The following RANBP2 variants were observed in gnomAD, a reference collection of about 807,000 sequenced individuals.
RANBP2 encodes E3 SUMO-protein ligase RanBP2.
In RANBP2, 57 loss-of-function variants were observed where a neutral mutation model predicts 303.6. The ratio of observed to expected loss-of-function variants is 0.19; its 90% CI spans 0.15 to 0.23. RANBP2 has a LOEUF of 0.23. Ranked by LOEUF, RANBP2 falls within the 10% of genes least tolerant of loss-of-function variation. The pLI is 1.00. For synonymous variants in RANBP2, 1,167 were observed against 1,301.5 expected (o/e 0.90, Z 2.23); for missense variants, 3,138 against 3,780.8 (o/e 0.83, Z 4.46).
chr2:108,982,129 G>A, the RANBP2 span, among the ~76,000 whole-genome samples: 3 of 152,200 alleles, frequency 2.0e-5, no homozygotes, highest in Non-Finnish European at 4.4e-5. Context: ...ATGAGAATAG[G>A]GGCCAGGTCT....
chr2:109,061,029 A>C, the RANBP2 span, among the ~76,000 whole-genome samples: 2 of 152,050 alleles, frequency 1.3e-5, no homozygotes, highest in African/African-American at 4.8e-5. Context: ...CTCCATTTCT[A>C]TGAAGAACTA....
chr2:108,897,256 A>G, the RANBP2 span: 4 of 1,597,402 alleles, frequency 2.5e-6, no homozygotes, highest in South Asian at 2.2e-5. Context: ...CCACAGTTAG[A>G]TGTTGCAAGT....
At chr2:109,148,568 T>C in the RANBP2 span, among the ~76,000 whole-genome samples, 1 of 152,164 alleles carries the variant, frequency 6.6e-6, no homozygotes, top group African/African-American at 2.4e-5. Flanking sequence ...TTTTGATGAG[T>C]AATAGACCCC....
At chr2:108,757,455 T>C in intron 17 of RANBP2, among the ~76,000 whole-genome samples, 1 of 152,208 alleles carries the variant, frequency 6.6e-6, no homozygotes, top group Non-Finnish European at 1.5e-5. Flanking sequence ...GCTAATATTG[T>C]TTACCTAACA....
the RANBP2 span, among the ~76,000 whole-genome samples, chr2:109,173,314 C>G: frequency 6.6e-6 from 1 of 152,166 alleles, no homozygotes; most frequent in Non-Finnish European, 1.5e-5. Flanking sequence ...GTTTTCTCCT[C>G]AGACTCTCCT....
the RANBP2 span, among the ~76,000 whole-genome samples, chr2:109,506,437 G>A: frequency 6.6e-6 from 1 of 152,206 alleles, no homozygotes; most frequent in African/African-American, 2.4e-5. Context: ...TGATCTTAGA[G>A]AGGCACCTAA....
the RANBP2 span, among the ~76,000 whole-genome samples, chr2:109,064,372 T>C: frequency 7.0e-6 from 1 of 143,122 alleles, no homozygotes; most frequent in Non-Finnish European, 1.5e-5. Context: ...AGAAGAATGG[T>C]ATGAACCCGG....
chr2:109,372,136 G>T, the RANBP2 span, among the ~76,000 whole-genome samples: 49 of 152,314 alleles, frequency 3.2e-4, no homozygotes, highest in South Asian at 9.7e-3. Context: ...AGTCCTCCTT[G>T]GACTCAGGGT....
the RANBP2 span, among the ~76,000 whole-genome samples, chr2:109,158,799 G>A: frequency 2.0e-5 from 3 of 152,322 alleles, no homozygotes; most frequent in South Asian, 6.2e-4. Context: ...TCCCGAGTGT[G>A]CACTCTGGAC....
At chr2:108,970,253 G>T in the RANBP2 span, among the ~76,000 whole-genome samples, 1 of 152,138 alleles carries the variant, frequency 6.6e-6, no homozygotes, top group Non-Finnish European at 1.5e-5. Flanking sequence ...CAGGTGGTAC[G>T]CATTTGAGTT....
the RANBP2 span, among the ~76,000 whole-genome samples, chr2:109,548,066 A>C: frequency 1.3e-5 from 2 of 152,218 alleles, no homozygotes; most frequent in Non-Finnish European, 2.9e-5. Flanking sequence ...ATGTAGAAGA[A>C]CTAGTAATGA....
At chr2:109,398,242 C>G in the RANBP2 span, among the ~76,000 whole-genome samples, 1 of 152,186 alleles carries the variant, frequency 6.6e-6, no homozygotes, top group Non-Finnish European at 1.5e-5. Context: ...GGGCTTCCTT[C>G]CCATCTTGTC....
the RANBP2 span, among the ~76,000 whole-genome samples, chr2:108,808,630 A>G: frequency 6.6e-6 from 1 of 152,106 alleles, no homozygotes; most frequent in Non-Finnish European, 1.5e-5. Flanking sequence ...GCATTTTTTC[A>G]TATACCTGTT....
At chr2:108,831,732 C>T in the RANBP2 span, among the ~76,000 whole-genome samples, 2 of 151,786 alleles carry the variant, frequency 1.3e-5, no homozygotes, top group Non-Finnish European at 2.9e-5. Flanking sequence ...TTCCTTCCTT[C>T]CTTCCGTCCT....
chr2:109,167,860 T>C, the RANBP2 span, among the ~76,000 whole-genome samples: 4 of 152,212 alleles, frequency 2.6e-5, no homozygotes, highest in Admixed American at 6.5e-5. Flanking sequence ...CGTGAGCCAC[T>C]GCACCCAGCC....
At chr2:109,123,105 C>A in the RANBP2 span, among the ~76,000 whole-genome samples, 1 of 152,102 alleles carries the variant, frequency 6.6e-6, no homozygotes, top group African/African-American at 2.4e-5. Context: ...TGGAAGACTG[C>A]AGGGAGGAGG....
the RANBP2 span, among the ~76,000 whole-genome samples, chr2:108,989,902 A>G: frequency 6.6e-6 from 1 of 152,170 alleles, no homozygotes; most frequent in Non-Finnish European, 1.5e-5. Flanking sequence ...ACAGGAACAG[A>G]GCAGCTCCTC....
At chr2:109,509,271 G>C in the RANBP2 span, among the ~76,000 whole-genome samples, 1 of 152,200 alleles carries the variant, frequency 6.6e-6, no homozygotes, top group African/African-American at 2.4e-5. Flanking sequence ...CAGATTATGC[G>C]GTGTTTGGTG....
chr2:109,704,893 C>A, the RANBP2 span, among the ~76,000 whole-genome samples: 2 of 151,950 alleles, frequency 1.3e-5, no homozygotes, highest in Non-Finnish European at 2.9e-5. Flanking sequence ...GCATCAAAGA[C>A]TCAATAAGAG....
Sources: gnomAD v4.1 joint callset for allele counts (sites outside exome capture counted in the v4.1 genomes callset) on GRCh38, gnomAD v4.1.1 for gene constraint, MANE v1.5 for transcripts, NCBI Gene and HGNC (gene_info 2026-07-23, HGNC 2026-07-21) for gene names.